RBFOX1: variants seen among roughly 807,000 people sequenced by gnomAD.
RBFOX1 encodes RNA binding protein fox-1 homolog 1.
A neutral mutation model predicts 57.7 loss-of-function variants in RBFOX1; 8 were observed. The observed-to-expected ratio is 0.14, with a 90% CI of 0.08 to 0.25. The LOEUF (loss-of-function observed/expected upper bound fraction) is 0.25. Among genes scored for constraint, RBFOX1 ranks in the 10% least tolerant of loss-of-function variants. The probability of loss-of-function intolerance (pLI) is 1.00; values close to 1 mark genes in which losing one functional copy is unlikely to be tolerated. For synonymous variants in RBFOX1, 326 were observed against 222.4 expected (o/e 1.47, Z -4.15); for missense variants, 611 against 548.5 (o/e 1.11, Z -1.14).
chr16:6,586,160 C>T (rs1185450472), intron 2 of RBFOX1, among the ~76,000 whole-genome samples: 1 of 152,142 alleles, frequency 6.6e-6, no homozygotes, highest in Non-Finnish European at 1.5e-5. Flanking sequence ...TCAGGAGGTC[C>T]AGAAGGCAGC....
chr16:6,382,832 C>T (rs1448740852), intron 2 of RBFOX1, among the ~76,000 whole-genome samples: 2 of 152,186 alleles, frequency 1.3e-5, no homozygotes, highest in African/African-American at 4.8e-5. Context: ...TGCACTCCAG[C>T]CTGGGCAACA....
intron 2 of RBFOX1, among the ~76,000 whole-genome samples, chr16:6,621,996 A>G (rs2098239875): frequency 6.6e-6 from 1 of 152,208 alleles, no homozygotes; most frequent in Admixed American, 6.5e-5. Context: ...CGTGTTAGCC[A>G]AAGGGGCTTA....
At chr16:7,061,687 C>G (rs2054337298) in intron 4 of RBFOX1, among the ~76,000 whole-genome samples, 1 of 152,162 alleles carries the variant, frequency 6.6e-6, no homozygotes, top group Non-Finnish European at 1.5e-5. Context: ...AAATCTATTC[C>G]CATTTCTTGC....
chr16:5,542,254 T>TC (rs1347445611), intron 2 of RBFOX1, among the ~76,000 whole-genome samples: 1 of 148,676 alleles, frequency 6.7e-6, no homozygotes, highest in Non-Finnish European at 1.5e-5. Context: ...ATTTTTTTTT[T>TC]TTTTTTTTTT....
rs111367350 is a variant in RBFOX1 at position 6,968,821 on chromosome 16, G to GT, written c.-15-83223dup. The stretch of plus-strand genomic sequence containing the variant: ...AGAATGTATTAATCCAGGTTTTTTT[G>GT]TTTTTTTTTTTTTAAAGAAAACCTG... On this transcript the variant is annotated intron_variant, in intron 3 of 15. Coordinates refer to ENST00000550418, the MANE Select transcript of RBFOX1 (RefSeq NM_018723.4). Among the ~76,000 whole-genome samples the GT allele has an allele frequency of 7.6e-3, 1,073 of 141,822 alleles. 6 individuals are homozygous for GT. Among genetic ancestry groups the GT allele is most frequent in the South Asian group, 0.027 (118 of 4,384 alleles). 93.0% of individuals were successfully genotyped at this position (141,822 alleles called of 152,430 possible).
At chr16:5,541,603 G>C (rs574224167) in intron 2 of RBFOX1, among the ~76,000 whole-genome samples, 4 of 152,146 alleles carry the variant, frequency 2.6e-5, no homozygotes, top group Non-Finnish European at 5.9e-5. Context: ...TTATCTCAGC[G>C]AGCAGAGGGA....
At chr16:7,054,818 C>T (rs1253427393) in intron 4 of RBFOX1, among the ~76,000 whole-genome samples, 1 of 152,096 alleles carries the variant, frequency 6.6e-6, no homozygotes, top group African/African-American at 2.4e-5. Context: ...GTCGAGGGTC[C>T]TTCATTAGTG....
intron 2 of RBFOX1, among the ~76,000 whole-genome samples, chr16:6,399,088 T>C (rs2092959681): frequency 6.6e-6 from 1 of 152,224 alleles, no homozygotes; most frequent in Admixed American, 6.5e-5. Context: ...CTGCCAAGGC[T>C]TGGGGCTTGC....
intron 4 of RBFOX1, among the ~76,000 whole-genome samples, chr16:5,986,417 A>G (rs2152315353): frequency 6.6e-6 from 1 of 152,318 alleles, no homozygotes; most frequent in African/African-American, 2.4e-5. Context: ...CTGATCAGAA[A>G]CTATGTACAC....
At chr16:7,652,622 G>C (rs1006599505) in intron 11 of RBFOX1, among the ~76,000 whole-genome samples, 4 of 152,108 alleles carry the variant, frequency 2.6e-5, no homozygotes, top group African/African-American at 9.7e-5. Flanking sequence ...TGGCCAGGCT[G>C]GTCTCGAACT....
At chr16:5,818,905 A>G (rs2055744641) in intron 3 of RBFOX1, among the ~76,000 whole-genome samples, 1 of 152,050 alleles carries the variant, frequency 6.6e-6, no homozygotes. Context: ...CACCAAATAC[A>G]TCACCTTTGA....
chr16:7,166,345 CA>C (rs1601632520), intron 4 of RBFOX1, among the ~76,000 whole-genome samples: 1 of 152,088 alleles, frequency 6.6e-6, no homozygotes, highest in Non-Finnish European at 1.5e-5. Flanking sequence ...AGAAAATTCC[CA>C]AATCAGCAAA....
At chr16:6,150,943 G>C (rs2096793273) in intron 1 of RBFOX1, among the ~76,000 whole-genome samples, 2 of 152,124 alleles carry the variant, frequency 1.3e-5, no homozygotes, top group African/African-American at 4.8e-5. Flanking sequence ...CTACATTTGT[G>C]CTAGCCTCTT....
At position 6,512,283 on chromosome 16, in the gene RBFOX1, C is replaced by CAAAAAAAAAAAAAAAAAAAAAA. The variant is rs565248640; in HGVS notation, c.-63-142304_-63-142303insAAAAAAAAAAAAAAAAAAAAAA. ...TGGGTAACAGAGCAAGACCCTGTATCAAAAAAAAAAAAAAAAGGTAAGAGA... is the reference window on the plus strand; with the variant it reads ...TGGGTAACAGAGCAAGACCCTGTATCAAAAAAAAAAAAAAAAAAAAAAAAAAAAAAAAAAAAAAGGTAAGAGA... On this transcript the variant is annotated intron_variant, in intron 2 of 15. Coordinates refer to ENST00000550418, the MANE Select transcript of RBFOX1 (RefSeq NM_018723.4). 3.2e-4 allele frequency among the ~76,000 whole-genome samples: 28 copies of CAAAAAAAAAAAAAAAAAAAAAA among 86,942 alleles called. 1 individual carries two copies. In the East Asian group the frequency reaches 4.7e-3, roughly 15 times the overall value. The allele number at this position is 86,942 out of a possible 152,430, so 57.0% of individuals were successfully genotyped here. A position where few individuals can be genotyped will look rare whatever the true frequency, so the allele number is the denominator to read the frequency against.
At chr16:5,862,048 C>G (rs2057231252) in intron 3 of RBFOX1, among the ~76,000 whole-genome samples, 1 of 152,120 alleles carries the variant, frequency 6.6e-6, no homozygotes, top group Non-Finnish European at 1.5e-5. Context: ...GCCGAGGTGT[C>G]CTTACAGCTC....
intron 1 of RBFOX1, among the ~76,000 whole-genome samples, chr16:6,179,776 C>G (rs556251063): frequency 8.5e-5 from 13 of 152,144 alleles, no homozygotes; most frequent in Non-Finnish European, 1.5e-4. Context: ...GATCAAAACA[C>G]ATTATCTTTC....
At chr16:6,299,404 G>A (rs2078528908) in intron 1 of RBFOX1, among the ~76,000 whole-genome samples, 1 of 152,182 alleles carries the variant, frequency 6.6e-6, no homozygotes, top group Non-Finnish European at 1.5e-5. Flanking sequence ...TTTGAGATGA[G>A]TGGCAGTATC....
intron 3 of RBFOX1, among the ~76,000 whole-genome samples, chr16:5,707,740 T>G (rs2051306569): frequency 6.6e-6 from 1 of 152,180 alleles, no homozygotes; most frequent in African/African-American, 2.4e-5. Context: ...ACTAATACCT[T>G]ATTGGGTTCC....
chr16:6,746,624 C>T (rs750819052), intron 3 of RBFOX1, among the ~76,000 whole-genome samples: 7 of 151,826 alleles, frequency 4.6e-5, no homozygotes, highest in Non-Finnish European at 1.0e-4. Flanking sequence ...GCTGCAGTGA[C>T]CTGTGATTGT....
Sources: gnomAD v4.1 joint callset for allele counts (sites outside exome capture counted in the v4.1 genomes callset) on GRCh38, gnomAD v4.1.1 for gene constraint, MANE v1.5 for transcripts, NCBI Gene and HGNC (gene_info 2026-07-23, HGNC 2026-07-21) for gene names.